Variants in GYS2 observed in about 807,000 individuals in gnomAD.
GYS2 encodes the protein glycogen synthase 2.
In GYS2, 80 loss-of-function variants were observed where a neutral mutation model predicts 85.6. The observed-to-expected ratio is 0.93, with a 90% CI of 0.78 to 1.13. GYS2 has a LOEUF of 1.13. GYS2 is among the 50% of genes most tolerant of loss of function. The pLI, the probability that GYS2 is intolerant of heterozygous loss-of-function variation, is 0.00. For synonymous variants in GYS2, 328 were observed against 300.7 expected, an observed-to-expected ratio of 1.09 and a Z score of -0.94; for missense variants, 881 against 854.9, an observed-to-expected ratio of 1.03 and a Z score of -0.38.
intron 14 of GYS2, among the ~76,000 whole-genome samples, chr12:21,539,742 T>C (rs1943950583): frequency 6.6e-6 from 1 of 152,204 alleles, no homozygotes; most frequent in African/African-American, 2.4e-5. Context: ...AAGCCTAGTG[T>C]ATCTATCTTC....
At chr12:21,576,128 G>A (rs1315894083) in intron 2 of GYS2, 71 bp from the exon 3 acceptor site, 9 of 1,244,528 alleles carry the variant, frequency 7.2e-6, no homozygotes, top group Middle Eastern at 1.9e-4. Flanking sequence ...TTTGCACTCT[G>A]AGGATATAAA....
At chr12:21,594,084 T>C (rs1944669331) in intron 1 of GYS2, among the ~76,000 whole-genome samples, 1 of 152,124 alleles carries the variant, frequency 6.6e-6, no homozygotes, top group African/African-American at 2.4e-5. Flanking sequence ...CAGCCAATCA[T>C]AGAAGGAACA....
At chr12:21,557,285 A>G (rs1421828737) in intron 11 of GYS2, among the ~76,000 whole-genome samples, 1 of 152,190 alleles carries the variant, frequency 6.6e-6, no homozygotes, top group Non-Finnish European at 1.5e-5. Flanking sequence ...TCAATATCCA[A>G]AACCATGCCT....
rs763052951 is a variant in GYS2 at position 21,559,709 on chromosome 12, C to A, written c.1171G>T (p.Asp391Tyr). Residue 391 changes from aspartate to tyrosine, a missense_variant and splice_region_variant, in exon 9 of 16, where the codon GAT (aspartate) becomes TAT (tyrosine). Transcript: ENST00000261195. ...TTTTCCTTCACAGAATGTGCAACAT[C>A]CCTGTTTGAAACAGAAAGATTTATC... Reference protein sequence around the residue: ...KGQAVRKQLWDVAHSVKEKFG... With the variant: ...KGQAVRKQLWYVAHSVKEKFG... 2 of 1,575,854 alleles carry A rather than the reference C, an allele frequency of 1.3e-6. No homozygotes were observed. Among genetic ancestry groups the A allele is most frequent in the Non-Finnish European group, 1.7e-6 (2 of 1,145,402 alleles).
At chr12:21,556,521 C>T (rs1001587173) in intron 11 of GYS2, among the ~76,000 whole-genome samples, 10 of 152,312 alleles carry the variant, frequency 6.6e-5, no homozygotes, top group African/African-American at 2.4e-4. Flanking sequence ...ATGTCCACTG[C>T]TGCCCATGCA....
intron 1 of GYS2, among the ~76,000 whole-genome samples, chr12:21,589,488 C>T (rs1944610636): frequency 6.6e-6 from 1 of 152,138 alleles, no homozygotes; most frequent in African/African-American, 2.4e-5. Context: ...CTGACACTCA[C>T]CTCCTCCACA....
chr12:21,565,110 C>A (rs1162621021), intron 5 of GYS2, among the ~76,000 whole-genome samples: 1 of 151,988 alleles, frequency 6.6e-6, no homozygotes, highest in Non-Finnish European at 1.5e-5. Context: ...ATTGTCTGTT[C>A]ATTAGCCTAA....
At chr12:21,580,826 A>C (rs1246481666) in intron 1 of GYS2, among the ~76,000 whole-genome samples, 3 of 152,232 alleles carry the variant, frequency 2.0e-5, no homozygotes, top group Non-Finnish European at 2.9e-5. Context: ...AGACAATTGG[A>C]GTAACTACTT....
At chr12:21,580,697 A>C (rs1944499190) in intron 1 of GYS2, among the ~76,000 whole-genome samples, 174 bp from the exon 2 acceptor site, 1 of 152,236 alleles carries the variant, frequency 6.6e-6, no homozygotes, top group South Asian at 2.1e-4. Context: ...GACACCAACG[A>C]ATGGTTACTG....
intron 7 of GYS2, among the ~76,000 whole-genome samples, chr12:21,561,817 T>C (rs4762845): frequency 0.72 from 109,777 of 151,666 alleles, 40,001 homozygotes; most frequent in South Asian, 0.79. Context: ...AAATCGCTTG[T>C]TTATTAACGT....
chr12:21,592,614 C>T (rs961597725), intron 1 of GYS2, among the ~76,000 whole-genome samples: 2 of 152,038 alleles, frequency 1.3e-5, no homozygotes, highest in African/African-American at 4.8e-5. Context: ...TCACACTCAA[C>T]ACCAGAGCAT....
At chr12:21,586,940 G>T (rs981872911) in intron 1 of GYS2, among the ~76,000 whole-genome samples, 2 of 152,054 alleles carry the variant, frequency 1.3e-5, no homozygotes, top group East Asian at 3.9e-4. Flanking sequence ...ACCAATGGAC[G>T]ATTGGATAAA....
At chr12:21,552,812 C>T (rs531883728) in intron 11 of GYS2, among the ~76,000 whole-genome samples, 94 of 152,144 alleles carry the variant, frequency 6.2e-4, no homozygotes, top group Non-Finnish European at 1.1e-3. Context: ...CTGTTATTTG[C>T]ATGACAAATT....
In GYS2 at chr12:21,536,786, C is replaced by G; in HGVS notation, c.*168G>C. 4 of 630,306 alleles carry G rather than the reference C, an allele frequency of 6.3e-6. No homozygotes were observed. Among genetic ancestry groups the G allele is most frequent in the South Asian group, 3.9e-5 (2 of 51,372 alleles). The allele number at this position is 630,306 out of a possible 1,614,324, so 39.0% of individuals were successfully genotyped here. Reference sequence around the variant, plus strand: ...TTGGGGAAAATAACTTGGATCTTATCCTAAATTACAAAATTGTCATTCACT... The same window carrying G: ...TTGGGGAAAATAACTTGGATCTTATGCTAAATTACAAAATTGTCATTCACT... On this transcript the variant is annotated 3_prime_UTR_variant, in exon 16 of 16. Coordinates refer to ENST00000261195, the MANE Select transcript of GYS2 (RefSeq NM_021957.4).
chr12:21,589,123 G>A (rs1944606078), intron 1 of GYS2, among the ~76,000 whole-genome samples: 1 of 151,988 alleles, frequency 6.6e-6, no homozygotes, highest in Non-Finnish European at 1.5e-5. Context: ...CCTTTTATTT[G>A]CAACTATGCA....
intron 11 of GYS2, among the ~76,000 whole-genome samples, chr12:21,546,708 A>G (rs1460501843): frequency 6.6e-6 from 1 of 152,200 alleles, no homozygotes; most frequent in East Asian, 1.9e-4. Context: ...TCCAAGGCTT[A>G]GGTTGAAGGA....
chr12:21,599,104 C>G (rs1459858795), intron 1 of GYS2, among the ~76,000 whole-genome samples: 3 of 151,824 alleles, frequency 2.0e-5, no homozygotes, highest in African/African-American at 4.8e-5. Flanking sequence ...CTCTCTCTGT[C>G]TCTCTCTCTA....
chr12:21,571,188 T>G (rs1012690062), intron 4 of GYS2, among the ~76,000 whole-genome samples: 18 of 152,268 alleles, frequency 1.2e-4, no homozygotes, highest in African/African-American at 3.1e-4. Context: ...CGGGTGGGTG[T>G]GCATGCTTCT....
rs149316228 is a variant in GYS2, at chr12:21,588,418, C to T, written c.122-7895G>A. On this transcript the variant is annotated intron_variant, in intron 1 of 15. Transcript: ENST00000261195. ...TTTTGGAAAATTGCCCTTTGAAAGG[C>T]GAGACACAAAAGGCAAATGTTGATG... Among the ~76,000 whole-genome samples, 12 of 152,156 alleles carry T rather than the reference C, an allele frequency of 7.9e-5. No homozygotes were observed. The East Asian group carries it at 1.9e-3, about 25-fold the overall frequency.
Sources: gnomAD v4.1 joint callset for allele counts (sites outside exome capture counted in the v4.1 genomes callset) on GRCh38, gnomAD v4.1.1 for gene constraint, MANE v1.5 for transcripts, NCBI Gene and HGNC (gene_info 2026-07-23, HGNC 2026-07-21) for gene names.